The following PKD2 variants were observed in gnomAD, a reference collection of about 807,000 sequenced individuals.
The protein encoded by PKD2 is polycystin-2.
A neutral mutation model predicts 105.9 loss-of-function variants in PKD2; 48 were observed. The observed-to-expected ratio is 0.45, with a 90% CI of 0.36 to 0.58. PKD2 has a LOEUF of 0.58. Among genes scored for constraint, PKD2 ranks in the 20% least tolerant of loss-of-function variants. The pLI is 0.00. For missense variants in PKD2, 1,078 were observed against 1,255.3 expected, an observed-to-expected ratio of 0.86 and a Z score of 2.13; for synonymous variants, 464 against 481.1, an observed-to-expected ratio of 0.96 and a Z score of 0.46.
intron 4 of PKD2, 95 bp downstream of exon 4, chr4:88,038,596 A>G (rs1727431344): frequency 1.5e-6 from 2 of 1,347,764 alleles, no homozygotes; most frequent in Non-Finnish European, 2.1e-6. Context: ...CACCTTCACC[A>G]AGGCAAAAAT....
intron 7 of PKD2, among the ~76,000 whole-genome samples, chr4:88,052,443 AT>A (rs1359612558): frequency 1.3e-5 from 2 of 151,816 alleles, no homozygotes; most frequent in African/African-American, 4.8e-5. Flanking sequence ...TAATTTTTAA[AT>A]TTTTTCGTAG....
chr4:88,047,191 A>G lies in PKD2; in HGVS notation c.1548+321A>G, dbSNP rs10031265. Among the ~76,000 whole-genome samples, 32,324 of 151,720 alleles carry G rather than the reference A, an allele frequency of 0.21. 7,127 individuals are homozygous for G. The highest frequency in any genetic ancestry group is 0.56 in the African/African-American group (23,155 of 41,226). On this transcript the variant is annotated intron_variant, in intron 6 of 14. Coordinates refer to ENST00000237596, the MANE Select transcript of PKD2 (RefSeq NM_000297.4). ...TTTTTCTTTGTTTTTTTTTCCACTA[A>G]TGATATTTTTCTTCAACTGCTGGTA...
intron 14 of PKD2, 106 bp downstream of exon 14, chr4:88,075,065 T>A (rs993763100): frequency 3.9e-5 from 48 of 1,241,768 alleles, no homozygotes; most frequent in South Asian, 6.5e-5. Context: ...GTAAAAAAAA[T>A]TTACGTTTAT....
At position 88,054,855 on chromosome 4, in the gene PKD2, C is replaced by G. The variant is rs903632688; in HGVS notation, c.1717-1231C>G. The stretch of plus-strand genomic sequence containing the variant: ...ATTTTTAGTAGAGACGGGGTTTCAC[C>G]GTGTTAGCCAGGATGGTCTCGATCT... On this transcript the variant is annotated intron_variant, in intron 7 of 14. Transcript: ENST00000237596. 3.3e-5 allele frequency among the ~76,000 whole-genome samples: 5 copies of G among 151,694 alleles called. No individual in the cohort carries two copies. The South Asian group carries it at 1.0e-3, about 32-fold the overall frequency.
chr4:88,053,483 C>T (rs1043136186), intron 7 of PKD2, among the ~76,000 whole-genome samples: 46 of 151,988 alleles, frequency 3.0e-4, no homozygotes, highest in African/African-American at 9.4e-4. Flanking sequence ...ATGGCAAAAC[C>T]TCATCTCTAC....
At chr4:88,018,719 C>T (rs1230863828) in intron 1 of PKD2, among the ~76,000 whole-genome samples, 5 of 152,204 alleles carry the variant, frequency 3.3e-5, no homozygotes, top group Non-Finnish European at 7.3e-5. Flanking sequence ...GCCAGCCCAA[C>T]GCTTTTTCCA....
chr4:88,012,691 G>GA (rs1383134470), intron 1 of PKD2, among the ~76,000 whole-genome samples: 1 of 151,964 alleles, frequency 6.6e-6, no homozygotes, highest in Non-Finnish European at 1.5e-5. Context: ...ATCCCAAACA[G>GA]AAACTCTGTA....
chr4:88,070,619 G>GAGAA (rs1720994314), intron 13 of PKD2, among the ~76,000 whole-genome samples: 5 of 147,092 alleles, frequency 3.4e-5, no homozygotes, highest in Admixed American at 1.4e-4. Flanking sequence ...GAGAGAGAGA[G>GAGAA]AGAGAGAGAA....
In PKD2 at chr4:88,075,500, A is replaced by T; in HGVS notation, c.2713A>T (p.Met905Leu). The change falls in exon 15 of 15, where the codon ATG (methionine) becomes TTG (leucine). Residue 905 changes from methionine to leucine, a missense_variant. This residue lies in a region of PKD2 where 868 missense variants were observed against 1,067.3 expected (regional missense o/e 0.81). Transcript: ENST00000237596. ...TGACAGTGAAATCCATAGGGAACAGATGGAACGGCTAGTACGTGAAGAGTT... is the reference window on the plus strand; with the variant it reads ...TGACAGTGAAATCCATAGGGAACAGTTGGAACGGCTAGTACGTGAAGAGTT... ...GRDSEIHREQ[M>L]ERLVREELER... The T allele has an allele frequency of 6.2e-7, 1 of 1,614,184 alleles. No individual in the cohort carries two copies. The highest frequency in any genetic ancestry group is 2.2e-5 in the East Asian group (1 of 44,882).
chr4:88,016,103 CT>C (rs1181580424), intron 1 of PKD2, among the ~76,000 whole-genome samples: 1 of 152,184 alleles, frequency 6.6e-6, no homozygotes, highest in East Asian at 1.9e-4. Context: ...AATGCCACCC[CT>C]GATCTGACAG....
rs201980738 is a variant in PKD2, at chr4:88,038,535, A to G, written c.1094+34A>G. 3.1e-4 allele frequency: 495 copies of G among 1,608,924 alleles called. 2 individuals carry two copies. Among genetic ancestry groups the G allele is most frequent in the Middle Eastern group, 2.3e-3 (14 of 5,986 alleles). ...CTGTGACTCATTGCCACTCGGTGATATTCATTCATTTATTCTCTGAACTCC... is the reference window on the plus strand; with the variant it reads ...CTGTGACTCATTGCCACTCGGTGATGTTCATTCATTTATTCTCTGAACTCC... On this transcript the variant is annotated intron_variant, in intron 4 of 14. Transcript: ENST00000237596.
intron 6 of PKD2, among the ~76,000 whole-genome samples, chr4:88,048,013 A>G (rs897412278): frequency 7.9e-5 from 12 of 152,164 alleles, no homozygotes; most frequent in African/African-American, 2.7e-4. Flanking sequence ...TTCAGTGTAT[A>G]AAAGAATTTT....
At chr4:88,046,060 CAGG>C (rs1246692985) in intron 5 of PKD2, among the ~76,000 whole-genome samples, 3 of 151,614 alleles carry the variant, frequency 2.0e-5, no homozygotes, top group African/African-American at 7.3e-5. Flanking sequence ...AAGGCCCAGG[CAGG>C]AGGATCATTT....
chr4:88,019,415 A>C (rs1344139029), intron 1 of PKD2, 43 bp from the exon 2 acceptor site: 1 of 1,027,498 alleles, frequency 9.7e-7, no homozygotes, highest in Non-Finnish European at 1.5e-6. Context: ...GAGATTTCTT[A>C]AATAAAATGA....
At chr4:88,020,036 A>G (rs1305566811) in intron 2 of PKD2, among the ~76,000 whole-genome samples, 2 of 152,194 alleles carry the variant, frequency 1.3e-5, no homozygotes, top group Admixed American at 1.3e-4. Flanking sequence ...GTTCATCGTC[A>G]GTGGTGGTGA....
At chr4:88,036,514 A>ATGTTAGTTTACCCCCTTTGAG in intron 3 of PKD2, 161 bp downstream of exon 3, 1 of 701,962 alleles carries the variant, frequency 1.4e-6, no homozygotes, top group Non-Finnish European at 1.8e-6. Flanking sequence ...CCTACTCTCA[A>ATGTTAGTTTACCCCCTTTGAG]AGGGGGTAAA....
At chr4:88,017,794 TG>T (rs1726611189) in intron 1 of PKD2, among the ~76,000 whole-genome samples, 2 of 152,352 alleles carry the variant, frequency 1.3e-5, no homozygotes, top group South Asian at 2.1e-4. Context: ...GAATCATGGC[TG>T]TTCCTTAGTG....
At chr4:88,060,975 C>T (rs1720550121) in intron 9 of PKD2, among the ~76,000 whole-genome samples, 1 of 152,154 alleles carries the variant, frequency 6.6e-6, no homozygotes, top group South Asian at 2.1e-4. Flanking sequence ...AGTGGAGCAA[C>T]AATCTTAGCA....
At chr4:88,043,646 G>A (rs527722173) in intron 5 of PKD2, among the ~76,000 whole-genome samples, 189 bp downstream of exon 5, 13 of 152,302 alleles carry the variant, frequency 8.5e-5, no homozygotes, top group African/African-American at 3.1e-4. Context: ...AGGGAGTTGG[G>A]ATCCTAGAAT....
Sources: allele counts gnomAD v4.1 joint callset (sites outside exome capture counted in the v4.1 genomes callset), GRCh38; gene constraint gnomAD v4.1.1; regional missense constraint gnomAD v4.1.1; transcripts MANE v1.5; gene names NCBI Gene and HGNC (gene_info 2026-07-23, HGNC 2026-07-21).